The following LRFN2 variants were observed in gnomAD, a reference collection of about 807,000 sequenced individuals.
The protein encoded by LRFN2 is leucine rich repeat and fibronectin type III domain containing 2.
Under a neutral mutation model 37.3 loss-of-function variants are expected in LRFN2, and 18 were observed. That is an observed-to-expected ratio of 0.48 (90% confidence interval 0.33 to 0.72). LRFN2 has a LOEUF of 0.72. Among genes scored for constraint, LRFN2 ranks in the 30% least tolerant of loss-of-function variants. LRFN2 has a pLI of 0.02. For missense variants in LRFN2, 1,006 were observed against 1,060.7 expected, an observed-to-expected ratio of 0.95 and a Z score of 0.72; for synonymous variants, 556 against 466.6, an observed-to-expected ratio of 1.19 and a Z score of -2.47.
chr6:40,537,941 G>T (rs1367223279), intron 1 of LRFN2, among the ~76,000 whole-genome samples: 1 of 152,028 alleles, frequency 6.6e-6, no homozygotes, highest in Non-Finnish European at 1.5e-5. Context: ...GGGAAATGAG[G>T]AGCATGGCCC....
chr6:40,579,743 AGAG>A (rs1176781432), intron 1 of LRFN2, among the ~76,000 whole-genome samples: 4 of 152,210 alleles, frequency 2.6e-5, no homozygotes, highest in African/African-American at 7.2e-5. Context: ...AAAAAGTGCA[AGAG>A]AAGAAGTCAA....
At chr6:40,521,056 G>C (rs533237690) in intron 1 of LRFN2, among the ~76,000 whole-genome samples, 1 of 152,332 alleles carries the variant, frequency 6.6e-6, no homozygotes, top group Admixed American at 6.5e-5. Context: ...AAGGCATGGG[G>C]CCGCGTCGCT....
intron 1 of LRFN2, among the ~76,000 whole-genome samples, chr6:40,536,906 T>G (rs1363398430): frequency 1.3e-5 from 2 of 152,240 alleles, no homozygotes; most frequent in Admixed American, 1.3e-4. Context: ...TGTCAAGTGC[T>G]TTCCATGTAC....
intron 1 of LRFN2, among the ~76,000 whole-genome samples, chr6:40,439,677 A>C (rs1323076454): frequency 6.6e-6 from 1 of 152,198 alleles, no homozygotes; most frequent in East Asian, 1.9e-4. Flanking sequence ...GTTTCATCTA[A>C]GAGGTAGCAT....
intron 1 of LRFN2, among the ~76,000 whole-genome samples, chr6:40,520,414 G>A (rs557185035): frequency 5.3e-5 from 8 of 152,190 alleles, no homozygotes; most frequent in Non-Finnish European, 8.8e-5. Flanking sequence ...CATGGGAGGC[G>A]GGTCATTTCT....
intron 1 of LRFN2, among the ~76,000 whole-genome samples, chr6:40,436,295 T>C (rs1763673714): frequency 6.6e-6 from 1 of 152,228 alleles, no homozygotes; most frequent in Admixed American, 6.5e-5. Flanking sequence ...AAATATATCC[T>C]GTCACCTGTT....
chr6:40,573,933 C>A (rs1034659775), intron 1 of LRFN2, among the ~76,000 whole-genome samples: 25 of 152,178 alleles, frequency 1.6e-4, no homozygotes, highest in Admixed American at 6.5e-4. Flanking sequence ...TGCACTGCAG[C>A]CTGGGCAACA....
intron 1 of LRFN2, among the ~76,000 whole-genome samples, chr6:40,521,704 G>A (rs561430655): frequency 1.3e-5 from 2 of 152,146 alleles, no homozygotes; most frequent in Non-Finnish European, 2.9e-5. Flanking sequence ...AGGCTGGGCT[G>A]TACTGTATCA....
intron 1 of LRFN2, among the ~76,000 whole-genome samples, chr6:40,576,929 AC>A (rs1348452810): frequency 6.6e-6 from 1 of 150,946 alleles, no homozygotes; most frequent in East Asian, 2.0e-4. Context: ...CTCATGTCCC[AC>A]CCTAGATACT....
At position 40,432,331 on chromosome 6, in the gene LRFN2, G is replaced by A. The variant is rs62395888; in HGVS notation, c.783C>T (p.Asp261=). ...LWLRRLERDD[D]LETCGSPGGL... ...CCCCTGGGGAGCCACAGGTTTCCAG[G>A]TCATCGTCCCGCTCGAGCCTCCGCA... Residue 261 remains aspartate, a synonymous_variant, in exon 2 of 3, where the codon GAC becomes GAT. Coordinates refer to ENST00000338305, the MANE Select transcript of LRFN2 (RefSeq NM_020737.3). 18,122 of 1,614,130 alleles carry A rather than the reference G, an allele frequency of 0.011. 124 individuals carry two copies. The highest frequency in any genetic ancestry group is 0.013 in the Non-Finnish European group (15,616 of 1,180,042).
intron 1 of LRFN2, among the ~76,000 whole-genome samples, chr6:40,476,400 TC>T (rs1490830011): frequency 6.6e-6 from 1 of 152,228 alleles, no homozygotes; most frequent in African/African-American, 2.4e-5. Context: ...AACCTGTGTC[TC>T]CCCAACCTCA....
At chr6:40,405,581 T>C (rs1762829337) in intron 2 of LRFN2, among the ~76,000 whole-genome samples, 1 of 152,120 alleles carries the variant, frequency 6.6e-6, no homozygotes, top group South Asian at 2.1e-4. Flanking sequence ...GCCTCTCTGA[T>C]GGTGGAAATC....
At chr6:40,489,745 A>G (rs1561876100) in intron 1 of LRFN2, among the ~76,000 whole-genome samples, 1 of 152,132 alleles carries the variant, frequency 6.6e-6, no homozygotes, top group Non-Finnish European at 1.5e-5. Context: ...TTACTTAGGG[A>G]AAAATAATGA....
chr6:40,564,919 G>A (rs556209491), intron 1 of LRFN2, among the ~76,000 whole-genome samples: 1 of 152,124 alleles, frequency 6.6e-6, no homozygotes, highest in Non-Finnish European at 1.5e-5. Context: ...TCTGCATAAA[G>A]CAGCCCCTCC....
chr6:40,407,211 T>G (rs1762864962), intron 2 of LRFN2, among the ~76,000 whole-genome samples: 1 of 152,238 alleles, frequency 6.6e-6, no homozygotes, highest in Non-Finnish European at 1.5e-5. Flanking sequence ...TGTGTCCTCA[T>G]TCAGGTCTCC....
At chr6:40,430,824 G>A (rs1177180010) in intron 2 of LRFN2, among the ~76,000 whole-genome samples, 1 of 152,188 alleles carries the variant, frequency 6.6e-6, no homozygotes. Context: ...GGGCTCACAT[G>A]ATGTGGTCTG....
At chr6:40,574,407 G>T (rs73732767) in intron 1 of LRFN2, among the ~76,000 whole-genome samples, 3,533 of 152,186 alleles carry the variant, frequency 0.023, 147 homozygotes, top group African/African-American at 0.079. Flanking sequence ...CTGACTCACT[G>T]TGCTAGAATT....
chr6:40,487,598 GCTTTTGGA>G (rs1764993444), intron 1 of LRFN2, among the ~76,000 whole-genome samples: 1 of 152,360 alleles, frequency 6.6e-6, no homozygotes, highest in Non-Finnish European at 1.5e-5. Flanking sequence ...ATGGCCTCTG[GCTTTTGGA>G]AGGATGACCA....
intron 1 of LRFN2, among the ~76,000 whole-genome samples, chr6:40,441,439 A>T (rs918919435): frequency 3.3e-5 from 5 of 152,052 alleles, no homozygotes; most frequent in Non-Finnish European, 7.4e-5. Flanking sequence ...GTGTCTCTTG[A>T]TGGAGGGCTG....
Sources: allele counts gnomAD v4.1 joint callset (sites outside exome capture counted in the v4.1 genomes callset), GRCh38; gene constraint gnomAD v4.1.1; transcripts MANE v1.5; gene names NCBI Gene and HGNC (gene_info 2026-07-23, HGNC 2026-07-21).